The following ABRAXAS2 variants were observed in gnomAD, a reference collection of about 807,000 sequenced individuals.
ABRAXAS2 encodes BRISC complex subunit Abraxas 2.
A neutral mutation model predicts 49.0 loss-of-function variants in ABRAXAS2; 23 were observed. That is an observed-to-expected ratio of 0.47 (90% CI 0.34 to 0.66). ABRAXAS2 has a LOEUF of 0.66. Ranked by LOEUF, ABRAXAS2 falls within the 30% of genes least tolerant of loss-of-function variation. The pLI is 0.01. For missense variants in ABRAXAS2, 443 were observed against 511.9 expected (o/e 0.87, Z 1.30); for synonymous variants, 168 against 180.2 (o/e 0.93, Z 0.54).
intron 1 of ABRAXAS2, among the ~76,000 whole-genome samples, chr10:124,806,390 C>A (rs1950744350): frequency 1.3e-5 from 2 of 151,724 alleles, no homozygotes; most frequent in Admixed American, 1.3e-4. Context: ...TCCTAATTTT[C>A]TATGCCAGCC....
At chr10:124,823,508 G>A (rs146187695) in intron 4 of ABRAXAS2, among the ~76,000 whole-genome samples, 103 of 152,254 alleles carry the variant, frequency 6.8e-4, no homozygotes, top group African/African-American at 2.4e-3. Flanking sequence ...CGTGCTTTCC[G>A]GAAGCTCTGA....
At chr10:124,812,360 A>G (rs1436122708) in intron 2 of ABRAXAS2, among the ~76,000 whole-genome samples, 3 of 152,246 alleles carry the variant, frequency 2.0e-5, no homozygotes, top group Admixed American at 2.0e-4. Context: ...TTCTTTTAAA[A>G]ATAAATATAG....
At chr10:124,804,189 C>T (rs191535833) in intron 1 of ABRAXAS2, among the ~76,000 whole-genome samples, 7 of 152,302 alleles carry the variant, frequency 4.6e-5, no homozygotes, top group Admixed American at 4.6e-4. Flanking sequence ...AGGCGTGACC[C>T]ACCGCATCTG....
chr10:124,815,949 C>T lies in ABRAXAS2; in HGVS notation c.164-627C>T, dbSNP rs541519332. Reference sequence around the variant, plus strand: ...ACAGAGTTTCGCTCTGTTGCCCAGGCTGGAGTGCAGTGGCGCGATCTCTGC... The same window carrying T: ...ACAGAGTTTCGCTCTGTTGCCCAGGTTGGAGTGCAGTGGCGCGATCTCTGC... On this transcript the variant is annotated intron_variant, in intron 2 of 8. Transcript: ENST00000298492. 7.1e-5 allele frequency among the ~76,000 whole-genome samples: 10 copies of T among 140,816 alleles called. No individual in the cohort carries two copies. In the South Asian group the frequency reaches 2.3e-3, roughly 32 times the overall value. The allele number at this position is 140,816 out of a possible 152,430, so 92.4% of individuals were successfully genotyped here. A position where few individuals can be genotyped will look rare whatever the true frequency, so the allele number is the denominator to read the frequency against.
At chr10:124,804,284 G>GCA (rs1950725819) in intron 1 of ABRAXAS2, among the ~76,000 whole-genome samples, 1 of 152,122 alleles carries the variant, frequency 6.6e-6, no homozygotes, top group African/African-American at 2.4e-5. Flanking sequence ...ATGAAATACA[G>GCA]CACACTCAGT....
chr10:124,802,094 G>T (rs1950708777), intron 1 of ABRAXAS2, among the ~76,000 whole-genome samples, 193 bp downstream of exon 1: 1 of 152,162 alleles, frequency 6.6e-6, no homozygotes, highest in Admixed American at 6.5e-5. Flanking sequence ...CCTGGGACAG[G>T]CCCCCTGGCT....
At chr10:124,832,571 G>A (rs183956550) in intron 8 of ABRAXAS2, among the ~76,000 whole-genome samples, 20 of 152,300 alleles carry the variant, frequency 1.3e-4, no homozygotes, top group African/African-American at 4.1e-4. Context: ...AGGGCTGGGC[G>A]CGGTGGCTCA....
At position 124,802,014 on chromosome 10, in the gene ABRAXAS2, G is replaced by A. The variant is rs541583246; in HGVS notation, c.72+113G>A. On this transcript the variant is annotated intron_variant, in intron 1 of 8. Transcript: ENST00000298492. Reference sequence around the variant, plus strand: ...GGCTCGCCCCCTGGGCACCAGGGCCGGCCGGAGGAGCTGGTGACCCGGGCG... The same window carrying A: ...GGCTCGCCCCCTGGGCACCAGGGCCAGCCGGAGGAGCTGGTGACCCGGGCG... 205 of 1,037,198 alleles carry A rather than the reference G, an allele frequency of 2.0e-4. 1 individual carries two copies. In the East Asian group the frequency reaches 5.0e-3, roughly 25 times the overall value. 64.2% of individuals were successfully genotyped at this position (1,037,198 alleles called of 1,614,324 possible).
At chr10:124,811,016 G>A (rs988823592) in intron 2 of ABRAXAS2, among the ~76,000 whole-genome samples, 3 of 146,836 alleles carry the variant, frequency 2.0e-5, no homozygotes, top group East Asian at 4.5e-4. Context: ...TCAGGAGATC[G>A]AGACCATCCT....
At chr10:124,802,517 T>C (rs1950713110) in intron 1 of ABRAXAS2, among the ~76,000 whole-genome samples, 1 of 152,188 alleles carries the variant, frequency 6.6e-6, no homozygotes, top group Admixed American at 6.5e-5. Flanking sequence ...GTTCTTTCAC[T>C]AGTCACAGTG....
At chr10:124,816,536 A>T in intron 2 of ABRAXAS2, 40 bp from the exon 3 acceptor site, 1 of 1,461,260 alleles carries the variant, frequency 6.8e-7, no homozygotes, top group Non-Finnish European at 9.5e-7. Context: ...CCTATGTCTT[A>T]CATGATTAAC....
intron 7 of ABRAXAS2, 65 bp downstream of exon 7, chr10:124,829,542 A>C (rs1235482497): frequency 5.5e-6 from 6 of 1,090,242 alleles, no homozygotes; most frequent in African/African-American, 1.6e-5. Context: ...ATTCTACTTT[A>C]ATTTTGAATT....
Position 124,829,414 on chromosome 10 carries a change from T to G in ABRAXAS2, c.600T>G (p.Asp200Glu), listed in dbSNP as rs917975087. 14 of 1,610,854 alleles carry G rather than the reference T, an allele frequency of 8.7e-6. No homozygotes were observed. Among genetic ancestry groups the G allele is most frequent in the Non-Finnish European group, 1.2e-5 (14 of 1,177,954 alleles). Residue 200 changes from aspartate to glutamate, a missense_variant, in exon 7 of 9, where the codon GAT (aspartate) becomes GAG (glutamate). By Grantham distance (45) the Asp-to-Glu change is conservative. Around this residue, in one of 3 missense-constraint regions of ABRAXAS2, gnomAD observed 166 missense variants for 247.3 expected, o/e 0.67. Transcript: ENST00000298492. ...KEHGTDFFDK[D>E]GVMKDIRAIY... is the part of the protein sequence containing the mutation. ...CCAGTACTGACTTTTTTGACAAGGA[T>G]GGAGTGATGAAAGACATCAGGGCGA... is the stretch of plus-strand genomic sequence containing the variant.
intron 2 of ABRAXAS2, 138 bp from the exon 3 acceptor site, chr10:124,816,438 A>C: frequency 1.6e-6 from 1 of 630,598 alleles, no homozygotes; most frequent in Admixed American, 2.8e-5. Context: ...ACTGGTGTAC[A>C]TGTAGCAACT....
intron 4 of ABRAXAS2, among the ~76,000 whole-genome samples, chr10:124,823,009 A>G (rs369426913): frequency 2.6e-5 from 4 of 152,324 alleles, no homozygotes; most frequent in East Asian, 3.9e-4. Flanking sequence ...ATTTTGTGCT[A>G]AAACAAATGT....
chr10:124,824,483 G>A (rs779557942), intron 4 of ABRAXAS2, among the ~76,000 whole-genome samples: 3 of 147,938 alleles, frequency 2.0e-5, no homozygotes, highest in African/African-American at 5.1e-5. Context: ...AGCCAAGATC[G>A]CGCCACTGCT....
Position 124,828,693 on chromosome 10 carries a change from C to A in ABRAXAS2, c.459-63C>A. On this transcript the variant is annotated intron_variant, in intron 5 of 8. Transcript: ENST00000298492. The stretch of plus-strand genomic sequence containing the variant: ...CCAGCCCTTTTTTTTTTTAGACTGT[C>A]AGTCTCACTTGAATATGATAGAATG... The A allele has an allele frequency of 2.7e-6, 4 of 1,470,252 alleles. No individual in the cohort carries two copies. The South Asian group carries it at 5.1e-5, about 19-fold the overall frequency. The allele number at this position is 1,470,252 out of a possible 1,614,324, so 91.1% of individuals were successfully genotyped here. A position where few individuals can be genotyped will look rare whatever the true frequency, so the allele number is the denominator to read the frequency against.
chr10:124,815,010 T>A (rs1452778805), intron 2 of ABRAXAS2: 1 of 152,134 alleles, frequency 6.6e-6, no homozygotes, highest in African/African-American at 2.4e-5. Flanking sequence ...GAACAAGGGT[T>A]TAGTCTGTAA....
intron 3 of ABRAXAS2, among the ~76,000 whole-genome samples, chr10:124,817,290 A>G (rs1198973559): frequency 1.3e-5 from 2 of 152,324 alleles, no homozygotes; most frequent in East Asian, 3.9e-4. Context: ...GGACAGAACG[A>G]AAAAGAAATA....
Sources: gnomAD v4.1 joint callset for allele counts (sites outside exome capture counted in the v4.1 genomes callset) on GRCh38, gnomAD v4.1.1 for gene constraint, gnomAD v4.1.1 regional missense constraint, MANE v1.5 for transcripts, NCBI Gene and HGNC (gene_info 2026-07-23, HGNC 2026-07-21) for gene names.